NUP188: variants seen among roughly 807,000 people sequenced by gnomAD.
The protein encoded by NUP188 is nucleoporin 188.
Under a neutral mutation model 223.0 loss-of-function variants are expected in NUP188, and 97 were observed. That is an observed-to-expected ratio of 0.43 (90% CI 0.37 to 0.51). The LOEUF (loss-of-function observed/expected upper bound fraction) is 0.51. Among genes scored for constraint, NUP188 ranks in the 20% least tolerant of loss-of-function variants. NUP188 has a pLI of 0.00. For missense variants in NUP188, 1,947 were observed against 2,175.6 expected (o/e 0.89, Z 2.09); for synonymous variants, 869 against 828.0 (o/e 1.05, Z -0.85).
chr9:129,006,061 A>G lies in NUP188; in HGVS notation c.4881A>G (p.Lys1627=), dbSNP rs1426881793. Reference sequence around the variant, plus strand: ...TTGCTTCTCTTCAGCTGGACAAGAAAAAGGAGCCCCTCACCCAGGCAGTGG... The same window carrying G: ...TTGCTTCTCTTCAGCTGGACAAGAAGAAGGAGCCCCTCACCCAGGCAGTGG... ...ALNMLGELDK[K]KEPLTQAVGL... is the part of the protein sequence containing the mutation. Residue 1627 remains lysine, a synonymous_variant, in exon 42 of 44, where the codon AAA becomes AAG. Coordinates refer to ENST00000372577, the MANE Select transcript of NUP188 (RefSeq NM_015354.3). 6.2e-7 allele frequency: 1 copy of G among 1,614,220 alleles called. No homozygotes were observed. The highest frequency in any genetic ancestry group is 1.1e-5 in the South Asian group (1 of 91,090).
In NUP188 at chr9:129,003,401, A is replaced by G; in HGVS notation, c.4381A>G (p.Asn1461Asp). Reference protein sequence around the residue: ...HTVGFILQLSNFMKEWHFHLP... With the variant: ...HTVGFILQLSDFMKEWHFHLP... Reference sequence around the variant, plus strand: ...CGTGGGTTTTATTCTGCAGCTCTCTAACTTCATGAAGGAGTGGCACTTCCA... The same window carrying G: ...CGTGGGTTTTATTCTGCAGCTCTCTGACTTCATGAAGGAGTGGCACTTCCA... Residue 1461 changes from asparagine to aspartate, a missense_variant, in exon 38 of 44, where the codon AAC becomes GAC. Asn to Asp is a conservative substitution (Grantham distance 23). Transcript: ENST00000372577. 1 of 1,613,286 alleles carries G rather than the reference A, an allele frequency of 6.2e-7. No individual in the cohort carries two copies. Among genetic ancestry groups the G allele is most frequent in the Non-Finnish European group, 8.5e-7 (1 of 1,179,984 alleles).
Position 128,988,143 on chromosome 9 carries a change from T to G in NUP188, c.2490T>G (p.Pro830=), listed in dbSNP as rs1842364804. The G allele has an allele frequency of 6.2e-7, 1 of 1,614,068 alleles. No homozygotes were observed. The change falls in exon 24 of 44, where the codon CCT becomes CCG. Residue 830 remains proline, a synonymous_variant. Coordinates refer to ENST00000372577, the MANE Select transcript of NUP188 (RefSeq NM_015354.3). The part of the protein sequence containing the change: ...VTNNVIRLKP[P]SNVVSPLEQA... ...ACAATGTTATTCGGCTGAAACCTCC[T>G]TCTAATGTGGTGTCCCCCCTGGAAC... is the stretch of plus-strand genomic sequence containing the variant.
Position 128,957,030 on chromosome 9 carries a change from A to G in NUP188, c.325A>G (p.Lys109Glu), listed in dbSNP as rs1427110331. ...EDYRGTRDSV[K>E]TVLQDERQSQ... ...CTACAGGGGTACTCGGGACTCAGTA[A>G]AGGTTTGTGGTTTATGTCAGCTCCT... is the stretch of plus-strand genomic sequence containing the variant. The change falls in exon 5 of 44, where the codon AAG (lysine) becomes GAG (glutamate). Residue 109 changes from lysine to glutamate, a missense_variant and splice_region_variant. By Grantham distance (56) the Lys-to-Glu change is moderately conservative. Around this residue, in one of 3 missense-constraint regions of NUP188, gnomAD observed 817 missense variants for 865.8 expected, o/e 0.94. Transcript: ENST00000372577. 1.2e-6 allele frequency: 2 copies of G among 1,606,302 alleles called. No individual in the cohort carries two copies. Among genetic ancestry groups the G allele is most frequent in the African/African-American group, 1.3e-5 (1 of 74,782 alleles).
intron 6 of NUP188, 118 bp downstream of exon 6, chr9:128,958,172 A>G (rs1841897419): frequency 1.4e-6 from 1 of 719,396 alleles, no homozygotes; most frequent in African/African-American, 1.8e-5. Flanking sequence ...GGAGGTCTTT[A>G]TGAAGAAGCA....
intron 8 of NUP188, among the ~76,000 whole-genome samples, chr9:128,960,527 C>G (rs1283085208): frequency 6.6e-6 from 1 of 152,152 alleles, no homozygotes; most frequent in African/African-American, 2.4e-5. Context: ...TATGACATTT[C>G]TGTCTCAGAA....
chr9:128,993,106 T>C, intron 25 of NUP188, 91 bp from the exon 26 acceptor site: 1 of 1,091,104 alleles, frequency 9.2e-7, no homozygotes, highest in Non-Finnish European at 1.4e-6. Flanking sequence ...TCTGCCAATT[T>C]TCTGGGAGCT....
chr9:129,002,994 T>C lies in NUP188; in HGVS notation c.4296+19T>C, dbSNP rs368823651. The stretch of plus-strand genomic sequence containing the variant: ...CTTACAGGTGAGGGGCTGCCTGCAT[T>C]GCAGGGGTGGGAGTTTCAGGGTAAA... On this transcript the variant is annotated intron_variant, in intron 37 of 43. Coordinates refer to ENST00000372577, the MANE Select transcript of NUP188 (RefSeq NM_015354.3). 3 of 1,612,632 alleles carry C rather than the reference T, an allele frequency of 1.9e-6. No homozygotes were observed. The highest frequency in any genetic ancestry group is 2.7e-5 in the African/African-American group (2 of 74,880).
chr9:129,006,958 ACTG>A lies in NUP188; in HGVS notation c.*282_*284del. On this transcript the variant is annotated 3_prime_UTR_variant, in exon 44 of 44. Coordinates refer to ENST00000372577, the MANE Select transcript of NUP188 (RefSeq NM_015354.3). ...CTTCCTTTCCAGCATTCCCCACAGC[ACTG>A]CCGGCCAGGGGAGAGGCGGCAGCCC... 2.8e-6 allele frequency: 1 copy of A among 353,594 alleles called. No individual in the cohort carries two copies. Among genetic ancestry groups the A allele is most frequent in the Non-Finnish European group, 5.1e-6 (1 of 195,380 alleles). The allele number at this position is 353,594 out of a possible 1,614,324, so 21.9% of individuals were successfully genotyped here.
In NUP188 at chr9:128,990,244, G is replaced by A; in HGVS notation, c.2640+18G>A. The A allele has an allele frequency of 1.3e-6, 2 of 1,572,612 alleles. No homozygotes were observed. The highest frequency in any genetic ancestry group is 1.8e-6 in the Non-Finnish European group (2 of 1,142,298). ...TGGCCACGGTAGGATCGTACTTCAT[G>A]CACACACACTGTTTATATGAGGGTG... On this transcript the variant is annotated intron_variant, in intron 25 of 43. Transcript: ENST00000372577.
rs1479460864 is a variant in NUP188 at position 129,006,770 on chromosome 9, T to C, written c.*92T>C. 2 of 1,345,746 alleles carry C rather than the reference T, an allele frequency of 1.5e-6. No individual in the cohort carries two copies. The highest frequency in any genetic ancestry group is 2.0e-6 in the Non-Finnish European group (2 of 1,001,792). 83.4% of individuals were successfully genotyped at this position (1,345,746 alleles called of 1,614,324 possible). A position where few individuals can be genotyped will look rare whatever the true frequency, so the allele number is the denominator to read the frequency against. ...CTGCTGGCTGCTAGGGCCTATACAA[T>C]GGAGGGCACCTCCTGTCACCCCCCT... On this transcript the variant is annotated 3_prime_UTR_variant, in exon 44 of 44. Coordinates refer to ENST00000372577, the MANE Select transcript of NUP188 (RefSeq NM_015354.3).
chr9:128,984,936 C>A lies in NUP188; in HGVS notation c.1998C>A (p.Leu666=), dbSNP rs142108937. The change falls in exon 20 of 44, where the codon CTC becomes CTA. Residue 666 remains leucine, a synonymous_variant. Transcript: ENST00000372577. ...TGAATGCTGGAGGGTACGGAAACCT[C>A]TTGATGAACAGTGAACAGCCTCAGG... The part of the protein sequence containing the change: ...EGMNAGGYGN[L]LMNSEQPQGE... The A allele has an allele frequency of 9.9e-4, 1,600 of 1,613,866 alleles. 4 individuals carry two copies. Among genetic ancestry groups the A allele is most frequent in the Non-Finnish European group, 1.2e-3 (1,450 of 1,179,888 alleles).
At chr9:128,961,624 T>A (rs201505164) in intron 8 of NUP188, among the ~76,000 whole-genome samples, 1 of 90,350 alleles carries the variant, frequency 1.1e-5, no homozygotes, top group African/African-American at 9.8e-5. Flanking sequence ...ATAGATAGAT[T>A]TTTTTTTTTT....
chr9:128,949,011 C>T, intron 1 of NUP188, 178 bp from the exon 2 acceptor site: 1 of 499,322 alleles, frequency 2.0e-6, no homozygotes, highest in Non-Finnish European at 3.6e-6. Flanking sequence ...AGGCATGAGC[C>T]ACCGTGCCCG....
rs1588299393 is a variant in NUP188 at position 129,006,269 on chromosome 9, C to T, written c.4974C>T (p.Cys1658=). ...KSLLMFTMEN[C]FYLLISQAMR... is the part of the protein sequence containing the mutation. ...TCCTGATGTTTACCATGGAAAACTG[C>T]TTCTACCTGCTCATCTCTCAGGCGA... The change falls in exon 43 of 44, where the codon TGC becomes TGT. Residue 1658 remains cysteine, a synonymous_variant. Coordinates refer to ENST00000372577, the MANE Select transcript of NUP188 (RefSeq NM_015354.3). 6.2e-7 allele frequency: 1 copy of T among 1,614,200 alleles called. No homozygotes were observed. Among genetic ancestry groups the T allele is most frequent in the South Asian group, 1.1e-5 (1 of 91,082 alleles).
chr9:128,968,215 A>C (rs17455363), intron 8 of NUP188, among the ~76,000 whole-genome samples: 1 of 152,206 alleles, frequency 6.6e-6, no homozygotes, highest in Non-Finnish European at 1.5e-5. Context: ...GCTGCACTCC[A>C]GCCTGGGTGA....
chr9:128,948,606 G>T (rs965864901), intron 1 of NUP188: 1 of 149,282 alleles, frequency 6.7e-6, no homozygotes, highest in Non-Finnish European at 1.5e-5. Flanking sequence ...GCCTCCTTCT[G>T]TCTTCCACAT....
Position 128,987,574 on chromosome 9 carries a change from A to AT in NUP188, c.2265-15_2265-14insT. 1 of 1,606,362 alleles carries AT rather than the reference A, an allele frequency of 6.2e-7. No individual in the cohort carries two copies. Among genetic ancestry groups the AT allele is most frequent in the Non-Finnish European group, 8.5e-7 (1 of 1,176,588 alleles). On this transcript the variant is annotated splice_polypyrimidine_tract_variant and intron_variant, in intron 22 of 43. Transcript: ENST00000372577. ...GAGTGGCTCCCTGGTAACTCAGAAT[A>AT]CCTCTGTCTTCCAGTCATACTCCCA... is the stretch of plus-strand genomic sequence containing the variant.
At chr9:129,005,977 A>G in intron 41 of NUP188, 73 bp from the exon 42 acceptor site, 5 of 1,535,064 alleles carry the variant, frequency 3.3e-6, no homozygotes, top group Non-Finnish European at 4.5e-6. Context: ...AGTGCAGGAC[A>G]TGCAAGTAGG....
chr9:128,974,071 C>T (rs560725114), intron 12 of NUP188, among the ~76,000 whole-genome samples: 2 of 152,120 alleles, frequency 1.3e-5, no homozygotes, highest in Admixed American at 6.6e-5. Context: ...CCACCGCGCC[C>T]GGCTAATTTT....
Sources: gnomAD v4.1 joint callset for allele counts (sites outside exome capture counted in the v4.1 genomes callset) on GRCh38, gnomAD v4.1.1 for gene constraint, gnomAD v4.1.1 regional missense constraint, MANE v1.5 for transcripts, NCBI Gene and HGNC (gene_info 2026-07-23, HGNC 2026-07-21) for gene names.